Variants in AMZ2 observed in about 807,000 individuals in gnomAD.
The protein encoded by AMZ2 is archaemetzincin-2.
Under a neutral mutation model 36.7 loss-of-function variants are expected in AMZ2, and 26 were observed. The ratio of observed to expected loss-of-function variants is 0.71; its 90% confidence interval spans 0.52 to 0.98. AMZ2 has a LOEUF of 0.98. Ranked by LOEUF, AMZ2 falls within the 50% of genes least tolerant of loss-of-function variation. AMZ2 has a pLI of 0.00. For missense variants in AMZ2, 394 were observed against 430.5 expected (o/e 0.92, Z 0.75); for synonymous variants, 144 against 149.1 (o/e 0.97, Z 0.25).
intron 1 of AMZ2, among the ~76,000 whole-genome samples, chr17:68,226,755 C>G (rs1295470473): frequency 1.3e-5 from 2 of 152,050 alleles, no homozygotes; most frequent in East Asian, 3.8e-4. Context: ...ATCATGTGAC[C>G]AAGTCCCCAT....
intron 1 of AMZ2, among the ~76,000 whole-genome samples, chr17:68,211,651 TAAA>T (rs1425541739): frequency 2.7e-5 from 4 of 149,484 alleles, no homozygotes; most frequent in African/African-American, 4.9e-5. Flanking sequence ...TCAATAAAAA[TAAA>T]AAGTGGTATG....
chr17:68,245,406 TTTTTTTC>T (rs1568366345), upstream of AMZ2, among the ~76,000 whole-genome samples: 1 of 151,650 alleles, frequency 6.6e-6, no homozygotes, highest in Non-Finnish European at 1.5e-5. Flanking sequence ...CCTGGCTTTT[TTTTTTTC>T]TTTTTTCTTT....
At chr17:68,245,500 T>A (rs2073983789), upstream of AMZ2, among the ~76,000 whole-genome samples, 1 of 151,858 alleles carries the variant, frequency 6.6e-6, no homozygotes, top group African/African-American at 2.4e-5. Flanking sequence ...TCCTTTCTCC[T>A]GTCTCAGCCT....
chr17:68,217,725 A>G (rs1211820743), intron 1 of AMZ2, among the ~76,000 whole-genome samples: 1 of 152,164 alleles, frequency 6.6e-6, no homozygotes, highest in African/African-American at 2.4e-5. Flanking sequence ...ATTTATAGAA[A>G]TTAAGTTTTC....
chr17:68,251,228 T>C (rs1555739720), intron 4 of AMZ2, 50 bp downstream of exon 4: 1 of 1,580,360 alleles, frequency 6.3e-7, no homozygotes, highest in Non-Finnish European at 8.6e-7. Context: ...CTTGAGAATA[T>C]TTGAAGATGT....
intron 1 of AMZ2, among the ~76,000 whole-genome samples, chr17:68,210,246 C>T (rs1555725595): frequency 6.6e-6 from 1 of 152,166 alleles, no homozygotes; most frequent in Non-Finnish European, 1.5e-5. Context: ...CATATGTATA[C>T]AGCAGCATTA....
In AMZ2 at chr17:68,250,420, A is replaced by T; in HGVS notation, c.233A>T (p.Tyr78Phe). 6.2e-7 allele frequency: 1 copy of T among 1,614,156 alleles called. No individual in the cohort carries two copies. Residue 78 changes from tyrosine to phenylalanine, a missense_variant, in exon 2 of 7, where the codon TAC becomes TTC. Tyr to Phe is a conservative substitution (Grantham distance 22). Coordinates refer to ENST00000359904, the MANE Select transcript of AMZ2 (RefSeq NM_016627.5). ...TTTGAACAGTTCTTCAGTGATCCTT[A>T]CAGAAAGACACCCTCTCCAAACAAA... is the stretch of plus-strand genomic sequence containing the variant. The part of the protein sequence containing the change: ...QDFEQFFSDP[Y>F]RKTPSPNKRS...
At chr17:68,208,856 C>T (rs1555725045) in intron 1 of AMZ2, among the ~76,000 whole-genome samples, 1 of 152,184 alleles carries the variant, frequency 6.6e-6, no homozygotes, top group Non-Finnish European at 1.5e-5. Flanking sequence ...AGCTTCACTC[C>T]TGAAGCCAGC....
At chr17:68,210,778 T>A (rs1179883602) in intron 1 of AMZ2, among the ~76,000 whole-genome samples, 1 of 151,954 alleles carries the variant, frequency 6.6e-6, no homozygotes, top group Non-Finnish European at 1.5e-5. Context: ...AGAAATCCTG[T>A]CTCTACAAAC....
At chr17:68,244,919 T>C (rs1359404099), upstream of AMZ2, among the ~76,000 whole-genome samples, 1 of 152,230 alleles carries the variant, frequency 6.6e-6, no homozygotes, top group Non-Finnish European at 1.5e-5. Flanking sequence ...TTTGCTCATT[T>C]TTATGTCATG....
At chr17:68,228,062 C>T (rs368216600) in intron 1 of AMZ2, among the ~76,000 whole-genome samples, 2 of 152,104 alleles carry the variant, frequency 1.3e-5, no homozygotes, top group South Asian at 2.1e-4. Context: ...CTCCACTGCC[C>T]GTTTGCTGTG....
At chr17:68,255,652 C>A in intron 5 of AMZ2, 48 bp from the exon 6 acceptor site, 18 of 1,573,812 alleles carry the variant, frequency 1.1e-5, no homozygotes, top group Non-Finnish European at 1.6e-5. Flanking sequence ...AGACGTGTAG[C>A]CTAATGTGAT....
chr17:68,255,463 A>G (rs2074827932), intron 5 of AMZ2, among the ~76,000 whole-genome samples: 1 of 152,196 alleles, frequency 6.6e-6, no homozygotes, highest in Non-Finnish European at 1.5e-5. Flanking sequence ...ACAACCTGGT[A>G]TTATCGGTCC....
At chr17:68,227,010 T>C (rs1476625000) in intron 1 of AMZ2, among the ~76,000 whole-genome samples, 3 of 150,526 alleles carry the variant, frequency 2.0e-5, no homozygotes, top group Non-Finnish European at 4.4e-5. Flanking sequence ...CTGCTGTTGT[T>C]ATACATAATA....
chr17:68,238,987 G>T (rs562941270), intron 1 of AMZ2, among the ~76,000 whole-genome samples: 1 of 152,202 alleles, frequency 6.6e-6, no homozygotes, highest in Non-Finnish European at 1.5e-5. Context: ...AAGATCATTT[G>T]TAAGTTGGTT....
At chr17:68,210,633 T>C (rs2073016149) in intron 1 of AMZ2, among the ~76,000 whole-genome samples, 1 of 152,192 alleles carries the variant, frequency 6.6e-6, no homozygotes, top group African/African-American at 2.4e-5. Flanking sequence ...TACTTAACTC[T>C]ACTGAATTGT....
At chr17:68,216,784 A>G (rs1327512661) in intron 1 of AMZ2, among the ~76,000 whole-genome samples, 1 of 152,166 alleles carries the variant, frequency 6.6e-6, no homozygotes, top group African/African-American at 2.4e-5. Flanking sequence ...TAATCCCAGC[A>G]CTTCGGGAGG....
rs1406875219 is a variant in AMZ2 at position 68,251,321 on chromosome 17, T to C, written c.586+143T>C. 60 of 927,092 alleles carry C rather than the reference T, an allele frequency of 6.5e-5. No individual in the cohort carries two copies. In the African/African-American group the frequency reaches 1.0e-3, roughly 15 times the overall value. 57.4% of individuals were successfully genotyped at this position (927,092 alleles called of 1,614,324 possible). On this transcript the variant is annotated intron_variant, in intron 4 of 6. Transcript: ENST00000359904. ...TGAGACATTATGCCATAATGGGAAGTGTGCTGTTGGTAGATTGTGATAATC... is the reference window on the plus strand; with the variant it reads ...TGAGACATTATGCCATAATGGGAAGCGTGCTGTTGGTAGATTGTGATAATC...
At chr17:68,215,189 T>C (rs576899075) in intron 1 of AMZ2, among the ~76,000 whole-genome samples, 1 of 152,346 alleles carries the variant, frequency 6.6e-6, no homozygotes, top group Non-Finnish European at 1.5e-5. Flanking sequence ...CATAAGGTTT[T>C]AAATGTATAT....
Sources: allele counts gnomAD v4.1 joint callset (sites outside exome capture counted in the v4.1 genomes callset), GRCh38; gene constraint gnomAD v4.1.1; transcripts MANE v1.5; gene names NCBI Gene and HGNC (gene_info 2026-07-23, HGNC 2026-07-21).